The following ABTB3 variants were observed in gnomAD, a reference collection of about 807,000 sequenced individuals.
ABTB3 encodes the protein ankyrin repeat- and BTB/POZ domain-containing protein 3.
the ABTB3 span, among the ~76,000 whole-genome samples, chr12:107,559,030 G>T: frequency 6.6e-6 from 1 of 152,192 alleles, no homozygotes; most frequent in Non-Finnish European, 1.5e-5. Context: ...AGCAGGGACT[G>T]GGCTTTGATC....
the ABTB3 span, chr12:107,318,780 C>A: frequency 1.3e-6 from 1 of 790,622 alleles, no homozygotes; most frequent in Non-Finnish European, 2.0e-6. Flanking sequence ...GCGGCAGTTC[C>A]GGGAGGCAGC....
At chr12:107,527,422 C>T in the ABTB3 span, among the ~76,000 whole-genome samples, 2 of 152,178 alleles carry the variant, frequency 1.3e-5, no homozygotes, top group African/African-American at 4.8e-5. Context: ...CAGGCATACA[C>T]CACCATGCCC....
the ABTB3 span, among the ~76,000 whole-genome samples, chr12:107,552,058 T>C: frequency 6.6e-6 from 1 of 152,190 alleles, no homozygotes; most frequent in African/African-American, 2.4e-5. Context: ...AGCCATAATC[T>C]TCCTTTTCAG....
At chr12:107,543,756 C>T in the ABTB3 span, among the ~76,000 whole-genome samples, 2 of 151,906 alleles carry the variant, frequency 1.3e-5, no homozygotes, top group Non-Finnish European at 2.9e-5. Flanking sequence ...AGTAAGCCCT[C>T]CTATGCTGAA....
chr12:107,468,308 G>T, the ABTB3 span, among the ~76,000 whole-genome samples: 1 of 152,182 alleles, frequency 6.6e-6, no homozygotes, highest in East Asian at 1.9e-4. Context: ...CCTGGCAGGA[G>T]GTAGGCACTC....
the ABTB3 span, among the ~76,000 whole-genome samples, chr12:107,377,414 AGTGTGT>A: frequency 0.68 from 99,013 of 146,462 alleles, 33,389 homozygotes; most frequent in Admixed American, 0.72. Flanking sequence ...AGAGAGCAAG[AGTGTGT>A]GTGTGTGTGT....
At chr12:107,579,772 G>A in the ABTB3 span, among the ~76,000 whole-genome samples, 517 of 152,354 alleles carry the variant, frequency 3.4e-3, 2 homozygotes, top group Middle Eastern at 0.01. Context: ...ATATTTGCAT[G>A]ACCTAGCCTC....
the ABTB3 span, chr12:107,615,276 C>T: frequency 1.3e-6 from 1 of 747,876 alleles, no homozygotes; most frequent in Non-Finnish European, 2.2e-6. Flanking sequence ...TGGTTAACTG[C>T]AATTCAATAT....
the ABTB3 span, among the ~76,000 whole-genome samples, chr12:107,547,280 C>T: frequency 4.7e-4 from 71 of 152,052 alleles, no homozygotes; most frequent in Admixed American, 1.4e-3. Flanking sequence ...CAACCACAAC[C>T]CTCTGATGAG....
chr12:107,353,621 G>C, the ABTB3 span, among the ~76,000 whole-genome samples: 2 of 152,202 alleles, frequency 1.3e-5, no homozygotes, highest in South Asian at 4.1e-4. Flanking sequence ...TACTCTAGTA[G>C]AGTGGTCCCC....
At chr12:107,580,947 C>A in the ABTB3 span, 17 of 1,551,636 alleles carry the variant, frequency 1.1e-5, no homozygotes, top group Admixed American at 2.0e-5. Flanking sequence ...GAGCCTGCCC[C>A]GGGGTCACCG....
chr12:107,605,612 G>T, the ABTB3 span, among the ~76,000 whole-genome samples: 1 of 152,252 alleles, frequency 6.6e-6, no homozygotes, highest in South Asian at 2.1e-4. Context: ...TGGAGAGCTG[G>T]ACTTTATCCC....
chr12:107,509,343 G>A, the ABTB3 span, among the ~76,000 whole-genome samples: 1 of 152,244 alleles, frequency 6.6e-6, no homozygotes, highest in African/African-American at 2.4e-5. Flanking sequence ...CAAAGATGGA[G>A]AATTTTCAGA....
chr12:107,651,441 T>A, the ABTB3 span, among the ~76,000 whole-genome samples: 1 of 152,164 alleles, frequency 6.6e-6, no homozygotes, highest in Non-Finnish European at 1.5e-5. Context: ...TGGGTATGAA[T>A]TGAGTTTGCT....
chr12:107,397,380 A>G, the ABTB3 span, among the ~76,000 whole-genome samples: 8 of 152,174 alleles, frequency 5.3e-5, no homozygotes, highest in East Asian at 1.9e-4. Context: ...ATTGAACATT[A>G]CACCATGTTT....
chr12:107,377,372 C>A, the ABTB3 span, among the ~76,000 whole-genome samples: 4 of 151,652 alleles, frequency 2.6e-5, no homozygotes, highest in African/African-American at 9.7e-5. Flanking sequence ...TGGGGTTGAG[C>A]CCAAGAACAC....
At chr12:107,553,201 C>T in the ABTB3 span, among the ~76,000 whole-genome samples, 1 of 152,200 alleles carries the variant, frequency 6.6e-6, no homozygotes, top group Non-Finnish European at 1.5e-5. Context: ...ATTCTCTACT[C>T]CCTTAATCCA....
At chr12:107,323,067 C>T in the ABTB3 span, among the ~76,000 whole-genome samples, 2 of 152,180 alleles carry the variant, frequency 1.3e-5, no homozygotes, top group Non-Finnish European at 2.9e-5. Flanking sequence ...AGCTATTGTA[C>T]TGTATTATAC....
At chr12:107,599,626 G>A in the ABTB3 span, among the ~76,000 whole-genome samples, 2 of 152,116 alleles carry the variant, frequency 1.3e-5, no homozygotes, top group African/African-American at 4.8e-5. Flanking sequence ...TTTCAATTAT[G>A]TCGTTACCTG....
Sources: gnomAD v4.1 joint callset for allele counts (sites outside exome capture counted in the v4.1 genomes callset) on GRCh38, gnomAD v4.1.1 for gene constraint, MANE v1.5 for transcripts, NCBI Gene and HGNC (gene_info 2026-07-23, HGNC 2026-07-21) for gene names.